RBFOX1: variants seen among roughly 807,000 people sequenced by gnomAD.
RBFOX1 encodes the protein RNA binding protein fox-1 homolog 1.
In RBFOX1, 8 loss-of-function variants were observed where a neutral mutation model predicts 57.7. That is an observed-to-expected ratio of 0.14 (90% CI 0.08 to 0.25). The LOEUF is 0.25. Among genes scored for constraint, RBFOX1 ranks in the 10% least tolerant of loss-of-function variants. The pLI, the probability that RBFOX1 is intolerant of heterozygous loss-of-function variation, is 1.00. For missense variants in RBFOX1, 611 were observed against 548.5 expected (o/e 1.11, Z -1.14); for synonymous variants, 326 against 222.4 (o/e 1.47, Z -4.15).
intron 1 of RBFOX1, among the ~76,000 whole-genome samples, chr16:5,381,495 C>A (rs1027643882): frequency 2.0e-5 from 3 of 152,166 alleles, no homozygotes; most frequent in African/African-American, 7.2e-5. Flanking sequence ...TTCTAGCAAG[C>A]TCCCTGGTGA....
At chr16:6,613,723 G>C (rs114792373) in intron 2 of RBFOX1, among the ~76,000 whole-genome samples, 2,554 of 152,308 alleles carry the variant, frequency 0.017, 85 homozygotes, top group African/African-American at 0.058. Flanking sequence ...GATCACTCGA[G>C]GCCAAGCGTT....
chr16:5,385,097 T>A (rs1319604775), intron 1 of RBFOX1, among the ~76,000 whole-genome samples: 4 of 152,194 alleles, frequency 2.6e-5, no homozygotes, highest in African/African-American at 9.7e-5. Flanking sequence ...GGTTCAACAT[T>A]AGTAATTATT....
At chr16:6,179,800 G>A (rs1233275873) in intron 1 of RBFOX1, among the ~76,000 whole-genome samples, 1 of 152,192 alleles carries the variant, frequency 6.6e-6, no homozygotes, top group Non-Finnish European at 1.5e-5. Context: ...GTTTCTGTGG[G>A]TTGAGAATTT....
chr16:7,219,097 C>T (rs2092513422), intron 4 of RBFOX1, among the ~76,000 whole-genome samples: 1 of 152,180 alleles, frequency 6.6e-6, no homozygotes, highest in Admixed American at 6.5e-5. Flanking sequence ...TTCATTATCC[C>T]CGTCATTGCA....
intron 3 of RBFOX1, among the ~76,000 whole-genome samples, chr16:6,759,517 G>C (rs2076305786): frequency 1.6e-5 from 2 of 126,926 alleles, no homozygotes; most frequent in South Asian, 5.4e-4. Context: ...GTGTGTGTGT[G>C]TGTGTATTTT....
chr16:6,877,135 C>T (rs997081704), intron 3 of RBFOX1, among the ~76,000 whole-genome samples: 1 of 152,120 alleles, frequency 6.6e-6, no homozygotes, highest in Non-Finnish European at 1.5e-5. Context: ...CACCAAACAA[C>T]AGTAAACAAA....
In RBFOX1 at chr16:5,891,110, G is replaced by C. The variant is rs147822011; in HGVS notation, c.351+23775G>C. Among the ~76,000 whole-genome samples, 6 of 152,328 alleles carry C rather than the reference G, an allele frequency of 3.9e-5. No individual in the cohort carries two copies. In the East Asian group the frequency reaches 1.2e-3, roughly 29 times the overall value. Reference sequence around the variant, plus strand: ...AACCGTAACTGTTAGTAGGCAGATAGTAGGCCCAGCACAGAAGTCAGTTCT... The same window carrying C: ...AACCGTAACTGTTAGTAGGCAGATACTAGGCCCAGCACAGAAGTCAGTTCT... On this transcript the variant is annotated intron_variant, in intron 4 of 19. Transcript: ENST00000641259.
intron 3 of RBFOX1, among the ~76,000 whole-genome samples, chr16:6,804,250 C>T (rs571549828): frequency 1.3e-4 from 19 of 151,688 alleles, no homozygotes; most frequent in Non-Finnish European, 2.4e-4. Flanking sequence ...CCTCTTGATC[C>T]GCCCACCTCA....
intron 2 of RBFOX1, among the ~76,000 whole-genome samples, chr16:6,500,430 C>G (rs946717952): frequency 6.6e-6 from 1 of 152,170 alleles, no homozygotes; most frequent in Non-Finnish European, 1.5e-5. Context: ...TTAAGTCACA[C>G]AAAGCACAGT....
chr16:6,062,271 G>T (rs1442735629), intron 1 of RBFOX1, among the ~76,000 whole-genome samples: 1 of 146,994 alleles, frequency 6.8e-6, no homozygotes, highest in Non-Finnish European at 1.5e-5. Flanking sequence ...ATTGGCCATT[G>T]GTGATCAACT....
At chr16:6,533,822 A>T (rs990570050) in intron 2 of RBFOX1, among the ~76,000 whole-genome samples, 4 of 152,198 alleles carry the variant, frequency 2.6e-5, no homozygotes, top group African/African-American at 9.6e-5. Context: ...AGCATGGTCA[A>T]CATTTTCCCA....
chr16:5,545,052 C>G (rs111568358), intron 2 of RBFOX1, among the ~76,000 whole-genome samples: 4,902 of 137,680 alleles, frequency 0.036, 294 homozygotes, highest in African/African-American at 0.12. Flanking sequence ...TCTTGGCTCA[C>G]TGCAACCTCT....
chr16:7,084,177 G>C (rs1250654763), intron 4 of RBFOX1, among the ~76,000 whole-genome samples: 1 of 152,116 alleles, frequency 6.6e-6, no homozygotes. Context: ...CATGATTCAG[G>C]TCCAAAGGCA....
intron 5 of RBFOX1, among the ~76,000 whole-genome samples, chr16:7,546,390 A>G (rs1401372832): frequency 6.6e-6 from 1 of 151,486 alleles, no homozygotes; most frequent in Non-Finnish European, 1.5e-5. Flanking sequence ...ATAAAATAAA[A>G]TTGGTTACTT....
chr16:5,292,497 C>A (rs2063559184), intron 1 of RBFOX1, among the ~76,000 whole-genome samples: 1 of 152,150 alleles, frequency 6.6e-6, no homozygotes, highest in African/African-American at 2.4e-5. Context: ...TTTGTTTTTC[C>A]TTTGAGTGAC....
chr16:5,544,464 C>T (rs886573602), intron 2 of RBFOX1, among the ~76,000 whole-genome samples: 1 of 151,970 alleles, frequency 6.6e-6, no homozygotes, highest in Non-Finnish European at 1.5e-5. Context: ...AAATAAAGTT[C>T]TCCAATTTCA....
At chr16:5,285,976 TG>T (rs2063384349) in intron 1 of RBFOX1, among the ~76,000 whole-genome samples, 1 of 152,152 alleles carries the variant, frequency 6.6e-6, no homozygotes, top group African/African-American at 2.4e-5. Context: ...TTCACCATGT[TG>T]GCCGGGCTGG....
At chr16:7,022,428 T>C (rs1375011558) in intron 3 of RBFOX1, among the ~76,000 whole-genome samples, 3 of 151,986 alleles carry the variant, frequency 2.0e-5, no homozygotes, top group African/African-American at 7.2e-5. Context: ...GAGCATATCT[T>C]CATGCCCCAC....
rs558557059 is a variant in RBFOX1 at position 6,462,953 on chromosome 16, T to C, written c.-64+145896T>C. Reference sequence around the variant, plus strand: ...CTTGTTAATCTATTAATTCTTCGTATCTTAAAGCTGTTCACCTTAGCTTGT... The same window carrying C: ...CTTGTTAATCTATTAATTCTTCGTACCTTAAAGCTGTTCACCTTAGCTTGT... On this transcript the variant is annotated intron_variant, in intron 2 of 15. Transcript: ENST00000550418. Among the ~76,000 whole-genome samples, 5 of 152,328 alleles carry C rather than the reference T, an allele frequency of 3.3e-5. 1 individual carries two copies. Among genetic ancestry groups the C allele is most frequent in the African/African-American group, 9.6e-5 (4 of 41,562 alleles).
Sources: allele counts gnomAD v4.1 joint callset (sites outside exome capture counted in the v4.1 genomes callset), GRCh38; gene constraint gnomAD v4.1.1; transcripts MANE v1.5; gene names NCBI Gene and HGNC (gene_info 2026-07-23, HGNC 2026-07-21).